The following SESN1 variants were observed in gnomAD, a reference collection of about 807,000 sequenced individuals.
SESN1 encodes the protein sestrin 1.
SESN1 carries 30 observed loss-of-function variants against 59.3 expected under a neutral mutation model. The ratio of observed to expected loss-of-function variants is 0.51; its 90% confidence interval spans 0.38 to 0.69. The LOEUF (loss-of-function observed/expected upper bound fraction) is 0.69, where lower values mean the gene tolerates loss of function less well. SESN1 is among the 30% of genes least tolerant of loss of function. The pLI is 0.00. For synonymous variants in SESN1, 197 were observed against 219.9 expected (o/e 0.90, Z 0.92); for missense variants, 566 against 673.0 (o/e 0.84, Z 1.76).
chr6:109,017,475 C>T (rs953177178), intron 1 of SESN1, among the ~76,000 whole-genome samples: 2 of 151,990 alleles, frequency 1.3e-5, no homozygotes, highest in African/African-American at 4.8e-5. Context: ...TTAGTAGAGA[C>T]GGGGTTTCAC....
At chr6:109,090,130 T>C (rs1781287399) in intron 1 of SESN1, among the ~76,000 whole-genome samples, 1 of 152,252 alleles carries the variant, frequency 6.6e-6, no homozygotes, top group South Asian at 2.1e-4. Context: ...TGCTATGCTT[T>C]GCAAACATCA....
intron 1 of SESN1, among the ~76,000 whole-genome samples, chr6:109,025,737 GTAAAC>G (rs1254333075): frequency 6.6e-6 from 1 of 151,870 alleles, no homozygotes; most frequent in East Asian, 1.9e-4. Flanking sequence ...AAAATTATTA[GTAAAC>G]TAGAAAGTAA....
chr6:109,063,977 T>C (rs545102574), intron 1 of SESN1, among the ~76,000 whole-genome samples: 3 of 152,244 alleles, frequency 2.0e-5, no homozygotes, highest in Admixed American at 6.5e-5. Flanking sequence ...CCTTTTACTT[T>C]ACCCATATCA....
intron 1 of SESN1, among the ~76,000 whole-genome samples, chr6:109,058,256 T>C: frequency 6.6e-6 from 1 of 152,094 alleles, no homozygotes; most frequent in East Asian, 1.9e-4. Context: ...GACTAATTTT[T>C]GTATTTTTGT....
intron 1 of SESN1, among the ~76,000 whole-genome samples, chr6:109,020,812 G>T (rs1474025890): frequency 6.6e-6 from 1 of 152,092 alleles, no homozygotes; most frequent in Non-Finnish European, 1.5e-5. Flanking sequence ...GCTTCAGTTT[G>T]CCAAATTTAT....
intron 1 of SESN1, among the ~76,000 whole-genome samples, chr6:109,089,661 G>C (rs1371688176): frequency 6.6e-6 from 1 of 152,148 alleles, no homozygotes; most frequent in Non-Finnish European, 1.5e-5. Context: ...TTTTGTCTCA[G>C]AAAACAATTG....
At chr6:109,012,435 A>G (rs1332444864) in intron 1 of SESN1, among the ~76,000 whole-genome samples, 1 of 152,176 alleles carries the variant, frequency 6.6e-6, no homozygotes, top group Non-Finnish European at 1.5e-5. Context: ...TTGCCTCTAC[A>G]TCTGTCCTTA....
intron 1 of SESN1, among the ~76,000 whole-genome samples, chr6:109,058,829 T>C (rs1780681545): frequency 1.3e-5 from 2 of 152,130 alleles, no homozygotes; most frequent in African/African-American, 4.8e-5. Context: ...GTTTTTTAAG[T>C]TGTCAGCAAT....
rs1390048059 is a variant in SESN1, at chr6:109,094,395, A to G, written c.-322T>C. 1 of 361,658 alleles carries G rather than the reference A, an allele frequency of 2.8e-6. No homozygotes were observed. The highest frequency in any genetic ancestry group is 6.0e-5 in the East Asian group (1 of 16,616). The allele number at this position is 361,658 out of a possible 1,614,324, so 22.4% of individuals were successfully genotyped here. On this transcript the variant is annotated 5_prime_UTR_variant, in exon 1 of 10. Coordinates refer to ENST00000436639, the MANE Select transcript of SESN1 (RefSeq NM_014454.3). ...CTCCTCCGTCTCGCGGGGTCAGTGG[A>G]TATCCTCACGTTGTGGAGCTGTCAA...
At chr6:109,035,969 T>C (rs1780242529) in intron 1 of SESN1, among the ~76,000 whole-genome samples, 1 of 152,184 alleles carries the variant, frequency 6.6e-6, no homozygotes, top group Admixed American at 6.5e-5. Context: ...CAGAGCATAG[T>C]AATTGCCCTC....
chr6:108,992,565 T>G (rs960760603), intron 7 of SESN1, among the ~76,000 whole-genome samples: 1 of 152,248 alleles, frequency 6.6e-6, no homozygotes, highest in African/African-American at 2.4e-5. Flanking sequence ...CTTACATATT[T>G]AAATATTTAC....
At chr6:108,989,451 C>A (rs1779300937) in intron 8 of SESN1, among the ~76,000 whole-genome samples, 2 of 148,286 alleles carry the variant, frequency 1.3e-5, no homozygotes, top group African/African-American at 2.6e-5. Flanking sequence ...AGATACATCT[C>A]TATATCTAGA....
At chr6:109,008,875 GTGT>G (rs1779791257) in intron 1 of SESN1, 1 of 985,922 alleles carries the variant, frequency 1.0e-6, no homozygotes, top group Non-Finnish European at 1.2e-6. Flanking sequence ...TGAGTCAAAT[GTGT>G]TTTTTTTCTT....
At chr6:108,998,399 A>T in intron 5 of SESN1, 114 bp downstream of exon 5, 1 of 1,233,422 alleles carries the variant, frequency 8.1e-7, no homozygotes, top group South Asian at 1.4e-5. Context: ...ATAGGGGCCC[A>T]ATATCTCCAC....
chr6:109,027,823 T>G (rs1780119305), intron 1 of SESN1, among the ~76,000 whole-genome samples: 1 of 152,196 alleles, frequency 6.6e-6, no homozygotes, highest in Non-Finnish European at 1.5e-5. Context: ...TAACTTTTGA[T>G]ACTGAACATG....
At chr6:109,092,576 C>T (rs555302997) in intron 1 of SESN1, among the ~76,000 whole-genome samples, 1 of 152,160 alleles carries the variant, frequency 6.6e-6, no homozygotes, top group Non-Finnish European at 1.5e-5. Flanking sequence ...AAATTACACA[C>T]AAAAATACAA....
intron 1 of SESN1, among the ~76,000 whole-genome samples, chr6:109,017,893 CA>C (rs1779952291): frequency 6.6e-6 from 1 of 152,162 alleles, no homozygotes; most frequent in Non-Finnish European, 1.5e-5. Context: ...TGGCGAGGCA[CA>C]GTGGCTCAAT....
intron 1 of SESN1, among the ~76,000 whole-genome samples, chr6:109,015,722 C>T (rs140284225): frequency 1.5e-3 from 226 of 152,024 alleles, no homozygotes; most frequent in African/African-American, 5.2e-3. Context: ...TGTTGCTAGG[C>T]GCTACTGAAG....
rs1297588087 is a variant in SESN1, at chr6:108,990,841, T to A, written c.1234-6A>T. The A allele has an allele frequency of 1.2e-6, 2 of 1,611,580 alleles. No homozygotes were observed. The highest frequency in any genetic ancestry group is 3.3e-5 in the Admixed American group (2 of 59,984). ...TGATCTTCCCAGCAATAGTCCTAAA[T>A]ACAGGGAATAGAACAAATGTGAATA... is the stretch of plus-strand genomic sequence containing the variant. On this transcript the variant is annotated splice_polypyrimidine_tract_variant and splice_region_variant and intron_variant, in intron 7 of 9. Transcript: ENST00000436639.
Sources: gnomAD v4.1 joint callset for allele counts (sites outside exome capture counted in the v4.1 genomes callset) on GRCh38, gnomAD v4.1.1 for gene constraint, MANE v1.5 for transcripts, NCBI Gene and HGNC (gene_info 2026-07-23, HGNC 2026-07-21) for gene names.